NETO1: variants seen among roughly 807,000 people sequenced by gnomAD.
NETO1 encodes the protein neuropilin and tolloid-like protein 1.
NETO1 carries 26 observed loss-of-function variants against 61.3 expected under a neutral mutation model. The observed-to-expected ratio is 0.42, with a 90% CI of 0.31 to 0.59. The LOEUF is 0.59. NETO1 is among the 20% of genes least tolerant of loss of function. The probability of loss-of-function intolerance (pLI) is 0.12; values close to 1 mark genes in which losing one functional copy is unlikely to be tolerated. For missense variants in NETO1, 531 were observed against 662.8 expected (o/e 0.80, Z 2.18); for synonymous variants, 225 against 225.8 (o/e 1.00, Z 0.03).
chr18:72,780,849 C>T (rs771012671), intron 7 of NETO1, among the ~76,000 whole-genome samples: 3 of 152,148 alleles, frequency 2.0e-5, no homozygotes, highest in Non-Finnish European at 4.4e-5. Flanking sequence ...TTGTCAGCCT[C>T]TTCTAGGTGG....
intron 4 of NETO1, among the ~76,000 whole-genome samples, chr18:72,824,090 G>C (rs1333398839): frequency 6.6e-6 from 1 of 152,112 alleles, no homozygotes; most frequent in Non-Finnish European, 1.5e-5. Flanking sequence ...CTGTGTTGTA[G>C]CATTTTGTTC....
At position 72,859,048 on chromosome 18, in the gene NETO1, A is replaced by G. The variant is rs748921648; in HGVS notation, c.247T>C (p.Tyr83His). The stretch of plus-strand genomic sequence containing the variant: ...TCAATAGAGTACTTTTCATCAAAGT[A>G]AAGTTCAATGCACTGTCTTGGAGCG... ...EAAPRQCIEL[Y>H]FDEKYSIEPS... is the part of the protein sequence containing the mutation. Residue 83 changes from tyrosine to histidine, a missense_variant, in exon 4 of 11, where the codon TAC becomes CAC. Transcript: ENST00000327305. 11 of 1,613,412 alleles carry G rather than the reference A, an allele frequency of 6.8e-6. No homozygotes were observed. The highest frequency in any genetic ancestry group is 8.5e-6 in the Non-Finnish European group (10 of 1,179,692).
intron 4 of NETO1, among the ~76,000 whole-genome samples, chr18:72,807,128 C>G (rs553863544): frequency 6.6e-6 from 1 of 152,264 alleles, no homozygotes; most frequent in South Asian, 2.1e-4. Context: ...CAGCATTGCT[C>G]TAGTATAAAA....
At chr18:72,845,418 T>A (rs1468872546) in intron 4 of NETO1, among the ~76,000 whole-genome samples, 1 of 152,134 alleles carries the variant, frequency 6.6e-6, no homozygotes, top group Non-Finnish European at 1.5e-5. Context: ...ATTGTATATA[T>A]AACATATACA....
rs750897272 is a variant in NETO1, at chr18:72,750,395, G to A, written c.1208C>T (p.Ala403Val). The A allele has an allele frequency of 6.2e-7, 1 of 1,614,154 alleles. No individual in the cohort carries two copies. The highest frequency in any genetic ancestry group is 8.5e-7 in the Non-Finnish European group (1 of 1,180,012). The part of the protein sequence containing the change: ...YELCTLRGTG[A>V]TADFADVADD... ...TGCCACATCTGCAAAGTCAGCTGTA[G>A]CTCCTGTCCCTCTGAGAGTGCATAA... Residue 403 changes from alanine to valine, a missense_variant, in exon 9 of 11, where the codon GCT (alanine) becomes GTT (valine). By Grantham distance (64) the Ala-to-Val change is moderately conservative (BLOSUM62 0). Transcript: ENST00000327305.
chr18:72,801,779 A>G (rs1386033060), intron 4 of NETO1, among the ~76,000 whole-genome samples: 1 of 152,178 alleles, frequency 6.6e-6, no homozygotes, highest in Non-Finnish European at 1.5e-5. Flanking sequence ...TTTTATCTAG[A>G]TATATAACAA....
intron 4 of NETO1, among the ~76,000 whole-genome samples, chr18:72,805,061 GA>G: frequency 6.6e-6 from 1 of 152,218 alleles, no homozygotes; most frequent in East Asian, 1.9e-4. Context: ...GTAAAATGTG[GA>G]AAAACTAAAG....
At chr18:72,864,397 C>T (rs556477314) in intron 3 of NETO1, among the ~76,000 whole-genome samples, 16 of 152,222 alleles carry the variant, frequency 1.1e-4, no homozygotes, top group South Asian at 8.3e-4. Context: ...GACATTAATA[C>T]GATTTTTGTA....
At position 72,854,038 on chromosome 18, in the gene NETO1, TTAA is replaced by T. The variant is rs541395630; in HGVS notation, c.469+4785_469+4787del. Among the ~76,000 whole-genome samples the T allele has an allele frequency of 5.5e-3, 841 of 152,290 alleles. 7 individuals carry two copies. The highest frequency in any genetic ancestry group is 0.019 in the African/African-American group (808 of 41,564). On this transcript the variant is annotated intron_variant, in intron 4 of 10. Coordinates refer to ENST00000327305, the MANE Select transcript of NETO1 (RefSeq NM_138966.5). Reference sequence around the variant, plus strand: ...ATTGAATCCATGACAATATTTTATTTTAATAATATATTTCATTTAATATGCATA... The same window carrying T: ...ATTGAATCCATGACAATATTTTATTTTAATATATTTCATTTAATATGCATA...
intron 6 of NETO1, among the ~76,000 whole-genome samples, chr18:72,791,559 G>A (rs1171096716): frequency 6.6e-6 from 1 of 152,192 alleles, no homozygotes; most frequent in East Asian, 1.9e-4. Context: ...TTGGGTCACA[G>A]AATGCCAAAT....
At chr18:72,749,733 A>G (rs1321827588) in intron 9 of NETO1, among the ~76,000 whole-genome samples, 1 of 152,122 alleles carries the variant, frequency 6.6e-6, no homozygotes, top group Non-Finnish European at 1.5e-5. Context: ...GGTCACATGG[A>G]AGTAAGTTTG....
At chr18:72,811,842 T>C (rs895229578) in intron 4 of NETO1, among the ~76,000 whole-genome samples, 11 of 152,104 alleles carry the variant, frequency 7.2e-5, no homozygotes, top group Non-Finnish European at 7.4e-5. Context: ...AATGAATCCA[T>C]GGATTTGGGG....
At chr18:72,860,122 T>TA (rs757467057) in intron 3 of NETO1, among the ~76,000 whole-genome samples, 1 of 152,204 alleles carries the variant, frequency 6.6e-6, no homozygotes, top group Non-Finnish European at 1.5e-5. Context: ...ATCTCAGACT[T>TA]ACATTCAGCC....
Position 72,803,633 on chromosome 18 carries a change from C to T in NETO1, c.470-9229G>A, listed in dbSNP as rs116554893. 3.4e-3 allele frequency among the ~76,000 whole-genome samples: 521 copies of T among 152,146 alleles called. 1 individual carries two copies. The highest frequency in any genetic ancestry group is 0.012 in the African/African-American group (483 of 41,516). On this transcript the variant is annotated intron_variant, in intron 4 of 10. Transcript: ENST00000327305. ...GGCTGGGAGTTCAAGACCAGCCTGACGAACATGGAGAAACCTCATCTTTAC... is the reference window on the plus strand; with the variant it reads ...GGCTGGGAGTTCAAGACCAGCCTGATGAACATGGAGAAACCTCATCTTTAC...
chr18:72,748,140 C>T lies in NETO1; in HGVS notation c.*39G>A. The T allele has an allele frequency of 2.0e-6, 2 of 980,878 alleles. No individual in the cohort carries two copies. Among genetic ancestry groups the T allele is most frequent in the Non-Finnish European group, 2.4e-6 (2 of 825,398 alleles). 60.8% of individuals were successfully genotyped at this position (980,878 alleles called of 1,614,324 possible). On this transcript the variant is annotated 3_prime_UTR_variant, in exon 11 of 11. Coordinates refer to ENST00000327305, the MANE Select transcript of NETO1 (RefSeq NM_138966.5). ...CTATAGAATTTTCTTTTCACAGTCC[C>T]CATGTTTGTATAAATAGTTCTTCTC...
chr18:72,774,906 A>G (rs2071494483), intron 7 of NETO1, among the ~76,000 whole-genome samples: 2 of 152,308 alleles, frequency 1.3e-5, no homozygotes, highest in African/African-American at 4.8e-5. Context: ...TAAGCCTACC[A>G]TCTAGTCAAG....
intron 7 of NETO1, among the ~76,000 whole-genome samples, chr18:72,766,721 A>G (rs945230480): frequency 6.6e-6 from 1 of 152,140 alleles, no homozygotes; most frequent in Non-Finnish European, 1.5e-5. Flanking sequence ...ACATATTCTT[A>G]CTGTTCTGAG....
intron 4 of NETO1, among the ~76,000 whole-genome samples, chr18:72,848,934 C>A (rs2074170236): frequency 6.6e-6 from 1 of 152,192 alleles, no homozygotes; most frequent in South Asian, 2.1e-4. Flanking sequence ...CTCAGATTCA[C>A]TCCATTAGCC....
chr18:72,749,182 A>G (rs976331057), intron 9 of NETO1, 94 bp from the exon 10 acceptor site: 1 of 797,468 alleles, frequency 1.3e-6, no homozygotes, highest in Non-Finnish European at 2.2e-6. Flanking sequence ...TAAAATTCAG[A>G]AAACTGTGGA....
Sources: allele counts gnomAD v4.1 joint callset (sites outside exome capture counted in the v4.1 genomes callset), GRCh38; gene constraint gnomAD v4.1.1; transcripts MANE v1.5; gene names NCBI Gene and HGNC (gene_info 2026-07-23, HGNC 2026-07-21).